Variants in MED12L observed in about 807,000 individuals in gnomAD.
MED12L encodes the protein mediator complex subunit 12L, also known as mediator of RNA polymerase II transcription subunit 12-like protein.
In MED12L, 60 loss-of-function variants were observed where a neutral mutation model predicts 281.3. The observed-to-expected ratio is 0.21, with a 90% CI of 0.17 to 0.26. The LOEUF is 0.26. Among genes scored for constraint, MED12L ranks in the 10% least tolerant of loss-of-function variants. The pLI is 1.00. For synonymous variants in MED12L, 974 were observed against 987.2 expected, an observed-to-expected ratio of 0.99 and a Z score of 0.25; for missense variants, 2,146 against 2,680.9, an observed-to-expected ratio of 0.80 and a Z score of 4.41.
At chr3:151,110,362 ACTTGGGGTCTAAGGACT>A (rs944434375) in intron 2 of MED12L, among the ~76,000 whole-genome samples, 2 of 152,120 alleles carry the variant, frequency 1.3e-5, no homozygotes, top group African/African-American at 4.8e-5. Context: ...AGTTTCCCAA[ACTTGGGGTCTAAGGACT>A]CCCTGAGGCT....
chr3:151,430,998 T>A (rs1219762431), intron 44 of MED12L, among the ~76,000 whole-genome samples: 2 of 152,098 alleles, frequency 1.3e-5, no homozygotes, highest in African/African-American at 4.8e-5. Context: ...AATAGCCCAT[T>A]TCATCATACC....
At chr3:151,153,792 C>T (rs1718904263) in intron 5 of MED12L, among the ~76,000 whole-genome samples, 1 of 152,086 alleles carries the variant, frequency 6.6e-6, no homozygotes, top group Admixed American at 6.6e-5. Context: ...TGGTCTTGAA[C>T]TCCTGACCTC....
In MED12L at chr3:151,190,727, C is replaced by T; in HGVS notation, c.1764C>T (p.Asn588=). The T allele has an allele frequency of 6.2e-7, 1 of 1,614,112 alleles. No individual in the cohort carries two copies. Among genetic ancestry groups the T allele is most frequent in the South Asian group, 1.1e-5 (1 of 91,090 alleles). Residue 588 remains asparagine (N), a synonymous_variant, in exon 14 of 45, where the codon AAC becomes AAT. Transcript: ENST00000687756. ...TTTGTTTCTCTATAGCGGACCCAAA[C>T]AGTGAATGTGAAAAGGTGGAATTTG... ...DTQAPSLSDP[N]SECEKVEFVN...
chr3:151,340,537 A>G (rs1751678733), intron 16 of MED12L: 1 of 152,630 alleles, frequency 6.6e-6, no homozygotes. Flanking sequence ...GAAAAAATGT[A>G]CACACATATC....
intron 23 of MED12L, among the ~76,000 whole-genome samples, chr3:151,366,908 A>G (rs1285619323): frequency 6.6e-6 from 1 of 152,184 alleles, no homozygotes; most frequent in Non-Finnish European, 1.5e-5. Flanking sequence ...CCTCATCTAA[A>G]AAATTGGAAT....
intron 16 of MED12L, among the ~76,000 whole-genome samples, chr3:151,228,299 A>T (rs1475612888): frequency 2.5e-5 from 3 of 118,740 alleles, no homozygotes; most frequent in Non-Finnish European, 5.8e-5. Context: ...GTCTAAAATG[A>T]GGGGAGAAGT....
rs769612608 is a variant in MED12L, at chr3:151,416,267, T to A, written c.6298-45T>A. Reference sequence around the variant, plus strand: ...GGGGAAACAGATTCAGCAATGCTGTTTTCTTCTTCCTTTTAAGTGTATAAC... The same window carrying A: ...GGGGAAACAGATTCAGCAATGCTGTATTCTTCTTCCTTTTAAGTGTATAAC... On this transcript the variant is annotated intron_variant, in intron 42 of 44. Transcript: ENST00000687756. 10 of 1,612,108 alleles carry A rather than the reference T, an allele frequency of 6.2e-6. No homozygotes were observed. In the African/African-American group the frequency reaches 9.4e-5, roughly 15 times the overall value.
chr3:151,316,580 G>A (rs569634210), intron 16 of MED12L: 8 of 152,160 alleles, frequency 5.3e-5, no homozygotes, highest in South Asian at 2.1e-4. Context: ...AAAATTTTTC[G>A]TTTACCTTTC....
intron 11 of MED12L, among the ~76,000 whole-genome samples, chr3:151,170,167 C>A (rs879568415): frequency 1.3e-5 from 2 of 152,132 alleles, no homozygotes; most frequent in African/African-American, 4.8e-5. Context: ...GGACTGTGGT[C>A]ATGAGAGTGG....
At chr3:151,399,287 G>A (rs759264447) in intron 39 of MED12L, among the ~76,000 whole-genome samples, 2 of 152,118 alleles carry the variant, frequency 1.3e-5, no homozygotes, top group African/African-American at 4.8e-5. Context: ...CATACTTATC[G>A]TTGCTGCTTA....
intron 16 of MED12L, among the ~76,000 whole-genome samples, chr3:151,270,622 T>A (rs557864807): frequency 2.0e-5 from 3 of 152,264 alleles, no homozygotes; most frequent in African/African-American, 7.2e-5. Flanking sequence ...TTTCTCTTGT[T>A]TAAAAAAAGA....
intron 2 of MED12L, among the ~76,000 whole-genome samples, chr3:151,109,385 A>G (rs1453266415): frequency 6.6e-6 from 1 of 152,228 alleles, no homozygotes; most frequent in Non-Finnish European, 1.5e-5. Flanking sequence ...ACAAAAATAC[A>G]GAGTGAACAC....
intron 16 of MED12L, among the ~76,000 whole-genome samples, chr3:151,229,623 C>T (rs567107531): frequency 4.3e-4 from 65 of 151,724 alleles, no homozygotes; most frequent in Middle Eastern, 3.4e-3. Flanking sequence ...GGACTACAGG[C>T]GCCCACCACC....
At chr3:151,183,673 C>A (rs188655521) in intron 11 of MED12L, among the ~76,000 whole-genome samples, 1 of 152,230 alleles carries the variant, frequency 6.6e-6, no homozygotes, top group African/African-American at 2.4e-5. Flanking sequence ...TGAGACATTA[C>A]TGATCACATA....
chr3:151,270,295 C>T (rs1317927943), intron 16 of MED12L, among the ~76,000 whole-genome samples: 1 of 148,636 alleles, frequency 6.7e-6, no homozygotes, highest in African/African-American at 2.5e-5. Context: ...CTCTACACCA[C>T]AGCTCTCAAC....
At position 151,365,818 on chromosome 3, in the gene MED12L, G is replaced by T. The variant is rs763880139; in HGVS notation, c.3186-32G>T. Reference sequence around the variant, plus strand: ...GGTGAGTATTTCTCTTTTGTACAAGGTTACTTTCTGTGTCTTCTTTTTCTT... The same window carrying T: ...GGTGAGTATTTCTCTTTTGTACAAGTTTACTTTCTGTGTCTTCTTTTTCTT... On this transcript the variant is annotated intron_variant, in intron 22 of 44. Transcript: ENST00000687756. The T allele has an allele frequency of 3.9e-5, 62 of 1,571,726 alleles. 1 individual carries two copies. The South Asian group carries it at 7.0e-4, about 18-fold the overall frequency.
chr3:151,290,079 G>A (rs1277837384), intron 16 of MED12L, among the ~76,000 whole-genome samples: 1 of 152,022 alleles, frequency 6.6e-6, no homozygotes, highest in Non-Finnish European at 1.5e-5. Context: ...TTTTAGTAGA[G>A]ACAGGGTTTC....
chr3:151,375,970 C>CATATATAT (rs148538586), intron 27 of MED12L, 56 bp from the exon 28 acceptor site: 406 of 812,366 alleles, frequency 5.0e-4, no homozygotes, highest in Middle Eastern at 2.6e-3. Context: ...GTACATATTG[C>CATATATAT]ATATATATAT....
chr3:151,314,131 G>T (rs1351596142), intron 16 of MED12L, among the ~76,000 whole-genome samples: 3 of 152,122 alleles, frequency 2.0e-5, no homozygotes, highest in African/African-American at 7.2e-5. Context: ...CTGTTTAAGA[G>T]AAACTATAGA....
Sources: gnomAD v4.1 joint callset for allele counts (sites outside exome capture counted in the v4.1 genomes callset) on GRCh38, gnomAD v4.1.1 for gene constraint, MANE v1.5 for transcripts, NCBI Gene and HGNC (gene_info 2026-07-23, HGNC 2026-07-21) for gene names.